The following ITGA8 variants were observed in gnomAD, a reference collection of about 807,000 sequenced individuals.
ITGA8 encodes the protein integrin subunit alpha 8, also known as integrin alpha-8.
ITGA8 carries 91 observed loss-of-function variants against 142.3 expected under a neutral mutation model. The ratio of observed to expected loss-of-function variants is 0.64; its 90% CI spans 0.54 to 0.76. The LOEUF (loss-of-function observed/expected upper bound fraction) is 0.76. Among genes scored for constraint, ITGA8 ranks in the 30% least tolerant of loss-of-function variants. The probability of loss-of-function intolerance (pLI) is 0.00; values close to 1 mark genes in which losing one functional copy is unlikely to be tolerated. For synonymous variants in ITGA8, 505 were observed against 485.2 expected, an observed-to-expected ratio of 1.04 and a Z score of -0.54; for missense variants, 1,406 against 1,327.7, an observed-to-expected ratio of 1.06 and a Z score of -0.92.
chr10:15,519,072 G>A (rs1588620709), intron 29 of ITGA8, among the ~76,000 whole-genome samples: 1 of 152,112 alleles, frequency 6.6e-6, no homozygotes, highest in South Asian at 2.1e-4. Flanking sequence ...CAAGATGAAA[G>A]CAACATTAAG....
At chr10:15,568,534 G>A (rs879347962) in intron 25 of ITGA8, among the ~76,000 whole-genome samples, 1 of 152,202 alleles carries the variant, frequency 6.6e-6, no homozygotes, top group Non-Finnish European at 1.5e-5. Context: ...GGTCTTATCA[G>A]ATGCTGAGAC....
At chr10:15,518,033 G>C (rs1393566438) in intron 29 of ITGA8, among the ~76,000 whole-genome samples, 2 of 152,206 alleles carry the variant, frequency 1.3e-5, no homozygotes, top group Admixed American at 6.5e-5. Context: ...AGCATATATA[G>C]AGGGAGAATA....
intron 2 of ITGA8, among the ~76,000 whole-genome samples, chr10:15,714,858 C>A (rs540928750): frequency 6.6e-6 from 1 of 152,218 alleles, no homozygotes; most frequent in Non-Finnish European, 1.5e-5. Flanking sequence ...GCAGAATACC[C>A]AATTGTAGAC....
chr10:15,677,967 G>A (rs1834663543), intron 5 of ITGA8, among the ~76,000 whole-genome samples: 1 of 152,056 alleles, frequency 6.6e-6, no homozygotes, highest in Non-Finnish European at 1.5e-5. Context: ...TTGCAGACAT[G>A]GTCTTTTGAG....
rs113116214 is a variant in ITGA8 at position 15,708,803 on chromosome 10, A to T, written c.343+9963T>A. 2.0e-4 allele frequency among the ~76,000 whole-genome samples: 31 copies of T among 152,344 alleles called. 1 individual carries two copies. Among genetic ancestry groups the T allele is most frequent in the African/African-American group, 7.0e-4 (29 of 41,582 alleles). ...CAATTTCAGGTGGAAGCTGTAGCAG[A>T]CAGTGTGCAATTAGACACACCCCTT... On this transcript the variant is annotated intron_variant, in intron 2 of 29. Coordinates refer to ENST00000378076, the MANE Select transcript of ITGA8 (RefSeq NM_003638.3).
chr10:15,658,927 A>G, intron 10 of ITGA8, 72 bp downstream of exon 10: 2 of 1,000,830 alleles, frequency 2.0e-6, no homozygotes, highest in Non-Finnish European at 3.1e-6. Context: ...ATGGATGAAT[A>G]ACTGATATGA....
At chr10:15,665,762 A>C (rs960263247) in intron 8 of ITGA8, among the ~76,000 whole-genome samples, 1 of 152,218 alleles carries the variant, frequency 6.6e-6, no homozygotes, top group African/African-American at 2.4e-5. Context: ...AGCACCATTT[A>C]TTAAATAGGG....
chr10:15,634,914 T>C (rs1179893945), intron 13 of ITGA8, among the ~76,000 whole-genome samples: 1 of 152,120 alleles, frequency 6.6e-6, no homozygotes, highest in Non-Finnish European at 1.5e-5. Context: ...GTCTACTATT[T>C]TTTTGCAACT....
chr10:15,527,906 CTTTTTTTT>C (rs34758919), intron 28 of ITGA8, among the ~76,000 whole-genome samples: 5 of 78,036 alleles, frequency 6.4e-5, no homozygotes, highest in African/African-American at 5.3e-5. Context: ...TTCGGCTGGG[CTTTTTTTT>C]TTTTTTTTTT....
At chr10:15,582,962 T>G (rs958584984) in intron 23 of ITGA8, among the ~76,000 whole-genome samples, 1 of 152,248 alleles carries the variant, frequency 6.6e-6, no homozygotes, top group Non-Finnish European at 1.5e-5. Context: ...TGAATACTTA[T>G]AGCAGCTTTA....
intron 15 of ITGA8, among the ~76,000 whole-genome samples, chr10:15,611,820 AC>A (rs202195758): frequency 3.5e-5 from 5 of 142,932 alleles, no homozygotes; most frequent in Admixed American, 1.5e-4. Context: ...AAAAAAAAAA[AC>A]CACACACTTC....
chr10:15,695,825 G>A (rs1835040380), intron 2 of ITGA8, among the ~76,000 whole-genome samples: 1 of 152,204 alleles, frequency 6.6e-6, no homozygotes. Context: ...CATCAGCGGT[G>A]ACAGATGTGA....
At chr10:15,708,579 G>A (rs1357768742) in intron 2 of ITGA8, among the ~76,000 whole-genome samples, 1 of 152,108 alleles carries the variant, frequency 6.6e-6, no homozygotes, top group South Asian at 2.1e-4. Flanking sequence ...AACCTGTCCT[G>A]CAAAATTAAA....
At chr10:15,692,619 A>G (rs1453301786) in intron 2 of ITGA8, among the ~76,000 whole-genome samples, 2 of 152,200 alleles carry the variant, frequency 1.3e-5, no homozygotes, top group South Asian at 4.1e-4. Context: ...AGGGACTCCA[A>G]AGTCTTGGTT....
chr10:15,608,140 G>A, intron 16 of ITGA8, 95 bp downstream of exon 16: 4 of 864,002 alleles, frequency 4.6e-6, no homozygotes, highest in East Asian at 4.9e-5. Context: ...TATTCCTCAA[G>A]GGTTCTTTCA....
chr10:15,612,127 G>A (rs779830309), intron 15 of ITGA8, among the ~76,000 whole-genome samples: 4 of 152,078 alleles, frequency 2.6e-5, no homozygotes, highest in Non-Finnish European at 5.9e-5. Context: ...CTATTTTATG[G>A]TTTTAACCAA....
At chr10:15,558,560 G>C (rs190727698) in intron 25 of ITGA8, among the ~76,000 whole-genome samples, 1 of 152,324 alleles carries the variant, frequency 6.6e-6, no homozygotes, top group African/African-American at 2.4e-5. Context: ...TCATTGTAGA[G>C]TGGGGCCAGT....
rs191006270 is a variant in ITGA8, at chr10:15,521,540, C to T, written c.2983-2128G>A. Among the ~76,000 whole-genome samples, 977 of 152,264 alleles carry T rather than the reference C, an allele frequency of 6.4e-3. 7 individuals are homozygous for T. The highest frequency in any genetic ancestry group is 7.5e-3 in the Non-Finnish European group (512 of 68,030). Reference sequence around the variant, plus strand: ...TAGGGAGAGAGTCATTCCACCTTAACAGGAACATGCCAAGGATGTGATAGA... The same window carrying T: ...TAGGGAGAGAGTCATTCCACCTTAATAGGAACATGCCAAGGATGTGATAGA... On this transcript the variant is annotated intron_variant, in intron 28 of 29. Coordinates refer to ENST00000378076, the MANE Select transcript of ITGA8 (RefSeq NM_003638.3).
chr10:15,611,864 C>G (rs886915749), intron 15 of ITGA8, among the ~76,000 whole-genome samples: 4 of 151,792 alleles, frequency 2.6e-5, no homozygotes, highest in African/African-American at 7.3e-5. Context: ...AACTAAAAAC[C>G]CTTAGAATCA....
Sources: allele counts gnomAD v4.1 joint callset (sites outside exome capture counted in the v4.1 genomes callset), GRCh38; gene constraint gnomAD v4.1.1; transcripts MANE v1.5; gene names NCBI Gene and HGNC (gene_info 2026-07-23, HGNC 2026-07-21).